Variants in DGKI observed in about 807,000 individuals in gnomAD.
DGKI encodes the protein diacylglycerol kinase iota.
DGKI carries 55 observed loss-of-function variants against 147.5 expected under a neutral mutation model. That is an observed-to-expected ratio of 0.37 (90% CI 0.30 to 0.47). The LOEUF (loss-of-function observed/expected upper bound fraction) is 0.47. Among genes scored for constraint, DGKI ranks in the 20% least tolerant of loss-of-function variants. The pLI is 1.00. For synonymous variants in DGKI, 469 were observed against 477.1 expected, an observed-to-expected ratio of 0.98 and a Z score of 0.22; for missense variants, 1,007 against 1,323.8, an observed-to-expected ratio of 0.76 and a Z score of 3.71.
intron 23 of DGKI, among the ~76,000 whole-genome samples, chr7:137,481,504 A>G (rs983969697): frequency 1.3e-5 from 2 of 152,104 alleles, no homozygotes; most frequent in African/African-American, 4.8e-5. Context: ...CATCAATGCT[A>G]TTAGGATGGA....
chr7:137,520,252 A>G (rs574277164), intron 21 of DGKI, among the ~76,000 whole-genome samples: 1 of 152,236 alleles, frequency 6.6e-6, no homozygotes, highest in South Asian at 2.1e-4. Flanking sequence ...AAGCTGCAAA[A>G]TATTATTTGA....
At chr7:137,619,427 A>G (rs1438789698) in intron 8 of DGKI, among the ~76,000 whole-genome samples, 1 of 152,194 alleles carries the variant, frequency 6.6e-6, no homozygotes, top group African/African-American at 2.4e-5. Context: ...TAACCAAACC[A>G]TGAAGCCTGA....
intron 1 of DGKI, among the ~76,000 whole-genome samples, chr7:137,809,198 C>T (rs934117016): frequency 6.6e-6 from 1 of 152,140 alleles, no homozygotes; most frequent in African/African-American, 2.4e-5. Flanking sequence ...AGAATCTGAT[C>T]TATTTTTAAA....
intron 1 of DGKI, among the ~76,000 whole-genome samples, chr7:137,820,876 TA>T (rs1797876851): frequency 6.6e-6 from 1 of 152,102 alleles, no homozygotes; most frequent in Non-Finnish European, 1.5e-5. Flanking sequence ...CAGGCCTTGC[TA>T]AAGGGTGAGG....
At chr7:137,750,007 G>A (rs1244191361) in intron 1 of DGKI, among the ~76,000 whole-genome samples, 1 of 152,134 alleles carries the variant, frequency 6.6e-6, no homozygotes, top group East Asian at 1.9e-4. Context: ...AGAACATATT[G>A]TCACAGTAGA....
At chr7:137,621,510 T>C (rs1820746541) in intron 7 of DGKI, among the ~76,000 whole-genome samples, 1 of 152,228 alleles carries the variant, frequency 6.6e-6, no homozygotes, top group African/African-American at 2.4e-5. Context: ...GGGTCACATA[T>C]TTATTTGCTT....
intron 1 of DGKI, among the ~76,000 whole-genome samples, chr7:137,778,307 T>C (rs1796419188): frequency 6.6e-6 from 1 of 152,046 alleles, no homozygotes; most frequent in Non-Finnish European, 1.5e-5. Flanking sequence ...GTCTAGGAAA[T>C]GCCAAATGGT....
intron 28 of DGKI, among the ~76,000 whole-genome samples, chr7:137,416,332 G>T (rs757142800): frequency 3.5e-4 from 53 of 152,292 alleles, no homozygotes; most frequent in Non-Finnish European, 6.8e-4. Context: ...TGAAGCAGGT[G>T]AAGTTTAAGC....
intron 1 of DGKI, among the ~76,000 whole-genome samples, chr7:137,805,502 T>C (rs1416643766): frequency 6.6e-6 from 1 of 152,158 alleles, no homozygotes; most frequent in Non-Finnish European, 1.5e-5. Context: ...GCAGCCGTGG[T>C]TGGTTTCCCA....
chr7:137,514,265 T>C (rs191621537), intron 21 of DGKI, among the ~76,000 whole-genome samples: 29 of 152,306 alleles, frequency 1.9e-4, no homozygotes, highest in Admixed American at 1.6e-3. Flanking sequence ...AATAAAATCT[T>C]ATGGGACCAC....
At chr7:137,764,864 A>G (rs1016510662) in intron 1 of DGKI, among the ~76,000 whole-genome samples, 2 of 152,100 alleles carry the variant, frequency 1.3e-5, no homozygotes, top group African/African-American at 4.8e-5. Flanking sequence ...TTCCTCCAGT[A>G]CTTCCTTCTT....
At chr7:137,497,917 A>T (rs1816026669) in intron 21 of DGKI, among the ~76,000 whole-genome samples, 2 of 152,110 alleles carry the variant, frequency 1.3e-5, no homozygotes. Context: ...CACAAAATTT[A>T]CCTGTATAAT....
At chr7:137,766,021 T>C (rs1796005043) in intron 1 of DGKI, among the ~76,000 whole-genome samples, 1 of 152,186 alleles carries the variant, frequency 6.6e-6, no homozygotes, top group South Asian at 2.1e-4. Context: ...ACAGGAGATT[T>C]CCTAAATGTC....
At chr7:137,471,234 G>A (rs1351707463) in intron 23 of DGKI, among the ~76,000 whole-genome samples, 2 of 152,088 alleles carry the variant, frequency 1.3e-5, no homozygotes, top group African/African-American at 4.8e-5. Context: ...GAAGACACTG[G>A]GAGTCTGGCC....
At chr7:137,453,355 G>T (rs769424835) in intron 27 of DGKI, among the ~76,000 whole-genome samples, 2 of 152,132 alleles carry the variant, frequency 1.3e-5, no homozygotes, top group Non-Finnish European at 2.9e-5. Context: ...ATGGATCTGT[G>T]TGACATCTTC....
intron 1 of DGKI, among the ~76,000 whole-genome samples, chr7:137,733,892 C>T (rs553305984): frequency 3.9e-5 from 6 of 152,056 alleles, no homozygotes; most frequent in Admixed American, 1.3e-4. Context: ...ACCTATAAAA[C>T]GATGACCACC....
At chr7:137,802,963 A>G (rs1437070143) in intron 1 of DGKI, among the ~76,000 whole-genome samples, 1 of 152,244 alleles carries the variant, frequency 6.6e-6, no homozygotes, top group African/African-American at 2.4e-5. Context: ...ATTATAGTTT[A>G]GGAGGTAAAA....
intron 1 of DGKI, among the ~76,000 whole-genome samples, chr7:137,732,624 T>C (rs993937789): frequency 5.9e-5 from 9 of 152,014 alleles, no homozygotes; most frequent in African/African-American, 2.2e-4. Context: ...ATTATAATGT[T>C]TGCTCCAAAC....
chr7:137,559,783 A>T (rs975066695), intron 19 of DGKI, among the ~76,000 whole-genome samples: 5 of 152,114 alleles, frequency 3.3e-5, no homozygotes, highest in Non-Finnish European at 4.4e-5. Context: ...ACTCGTATTC[A>T]TGATGCGGTT....
Sources: allele counts gnomAD v4.1 joint callset (sites outside exome capture counted in the v4.1 genomes callset), GRCh38; gene constraint gnomAD v4.1.1; transcripts MANE v1.5; gene names NCBI Gene and HGNC (gene_info 2026-07-23, HGNC 2026-07-21).